Variants in PDE1A observed in about 807,000 individuals in gnomAD.
PDE1A encodes phosphodiesterase 1A, also known as dual specificity calcium/calmodulin-dependent 3',5'-cyclic nucleotide phosphodiesterase 1A.
In PDE1A, 35 loss-of-function variants were observed where a neutral mutation model predicts 61.7. The observed-to-expected ratio is 0.57, with a 90% CI of 0.43 to 0.75. The LOEUF is 0.75. Ranked by LOEUF, PDE1A falls within the 30% of genes least tolerant of loss-of-function variation. The pLI is 0.00. For missense variants in PDE1A, 597 were observed against 630.6 expected (o/e 0.95, Z 0.57); for synonymous variants, 232 against 213.2 (o/e 1.09, Z -0.77).
intron 2 of PDE1A, among the ~76,000 whole-genome samples, chr2:182,477,623 G>C (rs1221820572): frequency 6.6e-6 from 1 of 151,742 alleles, no homozygotes; most frequent in Admixed American, 6.6e-5. Flanking sequence ...AGGTTAACTG[G>C]CATTTGTTTG....
At chr2:182,469,018 T>C (rs79559932) in intron 2 of PDE1A, among the ~76,000 whole-genome samples, 3,370 of 152,044 alleles carry the variant, frequency 0.022, 68 homozygotes, top group Non-Finnish European at 0.032. Context: ...ATTTCTAGAA[T>C]AGAGGCAGAG....
At chr2:182,460,104 A>T (rs1312191586) in intron 2 of PDE1A, among the ~76,000 whole-genome samples, 1 of 152,110 alleles carries the variant, frequency 6.6e-6, no homozygotes, top group Non-Finnish European at 1.5e-5. Flanking sequence ...CATTCATTCC[A>T]ATCCCTCTTC....
At chr2:182,170,048 C>T (rs1161437280) in intron 13 of PDE1A, among the ~76,000 whole-genome samples, 1 of 151,850 alleles carries the variant, frequency 6.6e-6, no homozygotes, top group African/African-American at 2.4e-5. Context: ...ATCCTTCCAT[C>T]AGTAGATTTT....
the PDE1A span, among the ~76,000 whole-genome samples, chr2:182,620,923 AT>A: frequency 1.2e-4 from 18 of 152,144 alleles, no homozygotes; most frequent in African/African-American, 3.9e-4. Context: ...GATATCCAGT[AT>A]GCTGTCCACC....
At chr2:182,331,045 C>T (rs1262413373) in intron 1 of PDE1A, among the ~76,000 whole-genome samples, 1 of 152,150 alleles carries the variant, frequency 6.6e-6, no homozygotes, top group Non-Finnish European at 1.5e-5. Context: ...CTGAACATCT[C>T]CACCAAGGGG....
At chr2:182,645,979 GA>G in the PDE1A span, among the ~76,000 whole-genome samples, 1 of 152,168 alleles carries the variant, frequency 6.6e-6, no homozygotes, top group Non-Finnish European at 1.5e-5. Context: ...CCCATTTGGG[GA>G]AGGAAATGTC....
intron 2 of PDE1A, among the ~76,000 whole-genome samples, chr2:182,513,655 T>C (rs1289333658): frequency 2.0e-5 from 3 of 152,142 alleles, no homozygotes; most frequent in East Asian, 1.9e-4. Flanking sequence ...AAGTGGCAAG[T>C]TGGATAAAGA....
chr2:182,644,229 AC>A, the PDE1A span, among the ~76,000 whole-genome samples: 1 of 140,508 alleles, frequency 7.1e-6, no homozygotes, highest in Non-Finnish European at 1.5e-5. Context: ...CTGGGCTTTT[AC>A]TTCCGATGTC....
intron 2 of PDE1A, among the ~76,000 whole-genome samples, chr2:182,247,119 T>C (rs919855355): frequency 1.3e-5 from 2 of 152,176 alleles, no homozygotes; most frequent in African/African-American, 2.4e-5. Flanking sequence ...ATCTCCTTCA[T>C]TGCCTTTAGA....
chr2:182,344,737 G>GTC (rs907339953), intron 1 of PDE1A, among the ~76,000 whole-genome samples: 32 of 101,068 alleles, frequency 3.2e-4, no homozygotes, highest in African/African-American at 1.2e-3. Context: ...CTGTCTCTCT[G>GTC]TCTCTCTCTC....
chr2:182,619,195 G>A, the PDE1A span, among the ~76,000 whole-genome samples: 2 of 152,042 alleles, frequency 1.3e-5, no homozygotes, highest in Non-Finnish European at 2.9e-5. Context: ...TGATAAGAAT[G>A]GAGTGAGTAT....
chr2:182,543,393 G>A, the PDE1A span, among the ~76,000 whole-genome samples: 2 of 152,114 alleles, frequency 1.3e-5, no homozygotes, highest in African/African-American at 2.4e-5. Flanking sequence ...ACTTGCTATT[G>A]TAACTATATT....
the PDE1A span, among the ~76,000 whole-genome samples, chr2:182,634,974 G>A: frequency 6.6e-6 from 1 of 152,068 alleles, no homozygotes; most frequent in Non-Finnish European, 1.5e-5. Flanking sequence ...ATTATTATAA[G>A]TAATGTCATG....
the PDE1A span, among the ~76,000 whole-genome samples, chr2:182,693,951 G>T: frequency 1.3e-5 from 2 of 152,042 alleles, no homozygotes; most frequent in African/African-American, 2.4e-5. Context: ...CTGGCCTCTT[G>T]ACAGTGTTTT....
At chr2:182,460,834 T>C (rs1470928936) in intron 2 of PDE1A, among the ~76,000 whole-genome samples, 8 of 152,174 alleles carry the variant, frequency 5.3e-5, no homozygotes, top group Non-Finnish European at 1.2e-4. Context: ...GCAAAAGTAA[T>C]TGTAGTTTTT....
the PDE1A span, among the ~76,000 whole-genome samples, chr2:182,701,527 C>T: frequency 2.6e-5 from 4 of 151,806 alleles, no homozygotes; most frequent in Non-Finnish European, 2.9e-5. Flanking sequence ...ATTACAGACG[C>T]GCACCACCAC....
chr2:182,603,038 C>CATACATACATA, the PDE1A span, among the ~76,000 whole-genome samples: 3 of 151,596 alleles, frequency 2.0e-5, no homozygotes, highest in Non-Finnish European at 2.9e-5. Context: ...TACATACATA[C>CATACATACATA]CAGTTTGGTG....
chr2:182,298,649 C>G (rs988772241), intron 1 of PDE1A, among the ~76,000 whole-genome samples: 9 of 152,082 alleles, frequency 5.9e-5, no homozygotes, highest in African/African-American at 2.2e-4. Context: ...ACAAGCTAAT[C>G]TTGCCCCACT....
At chr2:182,169,773 C>A (rs899121583) in intron 13 of PDE1A, among the ~76,000 whole-genome samples, 2 of 151,840 alleles carry the variant, frequency 1.3e-5, no homozygotes. Flanking sequence ...TAGTCCTGCC[C>A]CTCTTGGGAA....
Sources: allele counts gnomAD v4.1 joint callset (sites outside exome capture counted in the v4.1 genomes callset), GRCh38; gene constraint gnomAD v4.1.1; transcripts MANE v1.5; gene names NCBI Gene and HGNC (gene_info 2026-07-23, HGNC 2026-07-21).